The following SPMIP2 variants were observed in gnomAD, a reference collection of about 807,000 sequenced individuals.
SPMIP2 encodes protein SPMIP2.
the SPMIP2 span, among the ~76,000 whole-genome samples, chr4:159,070,963 G>A: frequency 1.3e-5 from 2 of 152,180 alleles, no homozygotes; most frequent in African/African-American, 2.4e-5. Context: ...TCAGTGGTCA[G>A]CAATGATGAT....
the SPMIP2 span, among the ~76,000 whole-genome samples, chr4:159,014,725 T>A: frequency 6.6e-6 from 1 of 152,172 alleles, no homozygotes; most frequent in Non-Finnish European, 1.5e-5. Context: ...TGTCAGGGGT[T>A]CCAATTTTTT....
chr4:159,082,465 G>C, the SPMIP2 span, among the ~76,000 whole-genome samples: 1 of 149,210 alleles, frequency 6.7e-6, no homozygotes, highest in Non-Finnish European at 1.5e-5. Context: ...GTGTGTGTGT[G>C]TGTGTGTGTG....
chr4:159,019,047 G>A, the SPMIP2 span, among the ~76,000 whole-genome samples: 1 of 152,142 alleles, frequency 6.6e-6, no homozygotes, highest in Non-Finnish European at 1.5e-5. Context: ...CCGAGATCGC[G>A]CCACTGGACT....
At chr4:158,898,994 C>A in the SPMIP2 span, among the ~76,000 whole-genome samples, 1 of 152,104 alleles carries the variant, frequency 6.6e-6, no homozygotes, top group Non-Finnish European at 1.5e-5. Context: ...AGAAATAGCT[C>A]TTATTATTTT....
the SPMIP2 span, among the ~76,000 whole-genome samples, chr4:158,976,585 C>A: frequency 6.6e-3 from 993 of 149,492 alleles, 11 homozygotes; most frequent in African/African-American, 0.022. Context: ...TGATGGATTA[C>A]GTTTATTGAT....
the SPMIP2 span, among the ~76,000 whole-genome samples, chr4:158,914,263 A>T: frequency 2.6e-5 from 4 of 152,158 alleles, no homozygotes; most frequent in African/African-American, 9.7e-5. Context: ...TAGATGTCGA[A>T]CTGTTCCCTT....
the SPMIP2 span, among the ~76,000 whole-genome samples, chr4:159,075,867 T>C: frequency 7.2e-5 from 11 of 151,940 alleles, no homozygotes; most frequent in African/African-American, 2.4e-4. Flanking sequence ...TGAACATCCA[T>C]GAGCGTTGGA....
the SPMIP2 span, among the ~76,000 whole-genome samples, chr4:158,917,955 G>A: frequency 1.3e-5 from 2 of 152,002 alleles, no homozygotes; most frequent in Admixed American, 1.3e-4. Context: ...CTGACCTTAG[G>A]TGATCCACCC....
chr4:158,938,032 A>G, the SPMIP2 span, among the ~76,000 whole-genome samples: 1 of 152,378 alleles, frequency 6.6e-6, no homozygotes, highest in African/African-American at 2.4e-5. Context: ...TGAATTTATG[A>G]AATGGGTCTG....
chr4:158,939,187 G>A, the SPMIP2 span, among the ~76,000 whole-genome samples: 1 of 152,204 alleles, frequency 6.6e-6, no homozygotes, highest in Non-Finnish European at 1.5e-5. Flanking sequence ...TAGCAGTATT[G>A]ACTCAGTTTA....
At chr4:158,986,632 A>C in the SPMIP2 span, among the ~76,000 whole-genome samples, 2 of 152,120 alleles carry the variant, frequency 1.3e-5, no homozygotes, top group African/African-American at 2.4e-5. Context: ...AAATTAATTC[A>C]AGATGGATTA....
At chr4:159,062,059 C>T in the SPMIP2 span, among the ~76,000 whole-genome samples, 56,561 of 151,994 alleles carry the variant, frequency 0.37, 11,319 homozygotes, top group East Asian at 0.6. Context: ...ACAAATGCCA[C>T]GTGTGTGTCG....
At chr4:158,920,029 G>A in the SPMIP2 span, among the ~76,000 whole-genome samples, 8 of 152,190 alleles carry the variant, frequency 5.3e-5, no homozygotes, top group Non-Finnish European at 1.2e-4. Context: ...CCCCTGTTGC[G>A]GGAAGTCAGG....
chr4:158,950,969 T>G, the SPMIP2 span, among the ~76,000 whole-genome samples: 124 of 152,286 alleles, frequency 8.1e-4, no homozygotes, highest in African/African-American at 2.8e-3. Flanking sequence ...AGAAAACATG[T>G]TCAAGCTTAT....
chr4:159,028,293 G>C, the SPMIP2 span, among the ~76,000 whole-genome samples: 1 of 152,066 alleles, frequency 6.6e-6, no homozygotes, highest in Non-Finnish European at 1.5e-5. Flanking sequence ...AGAAAAATCT[G>C]AATTAAAGAA....
At chr4:158,904,800 T>G in the SPMIP2 span, 8 of 438,602 alleles carry the variant, frequency 1.8e-5, no homozygotes, top group Admixed American at 3.5e-5. Context: ...GAAACTGACC[T>G]TTTTGGTAGG....
chr4:159,035,285 T>A, the SPMIP2 span: 1 of 546,092 alleles, frequency 1.8e-6, no homozygotes. Context: ...TGCATTCCAA[T>A]CTCCAAGAGC....
chr4:159,055,247 C>T, the SPMIP2 span, among the ~76,000 whole-genome samples: 1 of 152,178 alleles, frequency 6.6e-6, no homozygotes, highest in South Asian at 2.1e-4. Flanking sequence ...CCTGGAGAGA[C>T]ATAGGGTGCT....
the SPMIP2 span, among the ~76,000 whole-genome samples, chr4:159,034,878 G>A: frequency 4.0e-5 from 6 of 151,620 alleles, no homozygotes; most frequent in African/African-American, 1.2e-4. Flanking sequence ...GCGACAGAGC[G>A]AGACTCTGTC....
Sources: allele counts gnomAD v4.1 joint callset (sites outside exome capture counted in the v4.1 genomes callset), GRCh38; gene constraint gnomAD v4.1.1; transcripts MANE v1.5; gene names NCBI Gene and HGNC (gene_info 2026-07-23, HGNC 2026-07-21).